LINC00632: variants seen among roughly 807,000 people sequenced by gnomAD.
LINC00632 encodes ALDOA related specific transcript.
At chrX:140,733,761 T>G (rs1931098694) in intron 2 of LINC00632, 1 of 112,630 alleles carries the variant, frequency 8.9e-6, no homozygotes, top group Non-Finnish European at 1.9e-5. Context: ...TCTGAAATTC[T>G]CAGCGGTGAT....
chrX:140,775,641 A>G (rs1931861618), exon 5 of LINC00632, among the ~76,000 whole-genome samples: 1 of 112,072 alleles, frequency 8.9e-6, no homozygotes, highest in African/African-American at 3.3e-5. Flanking sequence ...AAACCTGAAT[A>G]GAGAAAAGAA....
intron 3 of LINC00632, among the ~76,000 whole-genome samples, chrX:140,751,483 T>C (rs988050815): frequency 1.5e-4 from 17 of 111,082 alleles, no homozygotes; most frequent in African/African-American, 4.9e-4. Context: ...GCATATGATA[T>C]AAAATAAGAC....
At chrX:140,746,916 G>A (rs901921422) in intron 3 of LINC00632, among the ~76,000 whole-genome samples, 10 of 111,411 alleles carry the variant, frequency 9.0e-5, no homozygotes, top group African/African-American at 2.6e-4. Flanking sequence ...ACTGCATTTC[G>A]TCACACACAC....
In LINC00632 at chrX:140,751,302, T is replaced by A. The variant is rs534810012; in HGVS notation, n.191+17338T>A. Among the ~76,000 whole-genome samples the A allele has an allele frequency of 1.1e-3, 106 of 99,104 alleles. No homozygotes were observed. In the South Asian group the frequency reaches 0.011, roughly 10 times the overall value. 86.1% of individuals were successfully genotyped at this position (99,104 alleles called of 115,157 possible). A position where few individuals can be genotyped will look rare whatever the true frequency, so the allele number is the denominator to read the frequency against. On this transcript the variant is annotated intron_variant and non_coding_transcript_variant, in intron 3 of 4. Transcript: ENST00000648200. ...GCCAACATCTTTTTTTTTTTTTTTTTAATTATGGCCATTTTTGCACAAGTA... is the reference window on the plus strand; with the variant it reads ...GCCAACATCTTTTTTTTTTTTTTTTAAATTATGGCCATTTTTGCACAAGTA...
Position 140,771,612 on chromosome X carries a change from T to TAC in LINC00632, n.192-434_192-433dup, listed in dbSNP as rs77229499. Among the ~76,000 whole-genome samples the TAC allele has an allele frequency of 2.7e-3, 219 of 79,707 alleles. 1 individual carries two copies. Among genetic ancestry groups the TAC allele is most frequent in the East Asian group, 7.5e-3 (19 of 2,517 alleles). The allele number at this position is 79,707 out of a possible 115,157, so 69.2% of individuals were successfully genotyped here. A position where few individuals can be genotyped will look rare whatever the true frequency, so the allele number is the denominator to read the frequency against. Reference sequence around the variant, plus strand: ...CTTTGCAAGGGCAATTTGGCATATATACACACACACACACACACACACACA... The same window carrying TAC: ...CTTTGCAAGGGCAATTTGGCATATATACACACACACACACACACACACACACA... On this transcript the variant is annotated intron_variant and non_coding_transcript_variant, in intron 3 of 4. Transcript: ENST00000648200.
At chrX:140,769,048 T>G (rs1353563205) in intron 3 of LINC00632, among the ~76,000 whole-genome samples, 1 of 109,796 alleles carries the variant, frequency 9.1e-6, no homozygotes, top group Non-Finnish European at 1.9e-5. Flanking sequence ...CAGGAGCCAA[T>G]AAGTAAACTA....
intron 2 of LINC00632, among the ~76,000 whole-genome samples, chrX:140,720,066 G>A (rs1398307138): frequency 2.0e-5 from 2 of 100,476 alleles, no homozygotes; most frequent in Admixed American, 1.1e-4. Context: ...CAGCCTGGGC[G>A]ACAGAGCAAG....
intron 2 of LINC00632, among the ~76,000 whole-genome samples, chrX:140,728,335 T>C (rs1187267449): frequency 9.0e-6 from 1 of 110,803 alleles, no homozygotes; most frequent in Non-Finnish European, 1.9e-5. Flanking sequence ...AGAGGACACA[T>C]GTACCCTATG....
At chrX:140,724,488 C>G (rs1930873253) in intron 2 of LINC00632, among the ~76,000 whole-genome samples, 2 of 113,844 alleles carry the variant, frequency 1.8e-5, no homozygotes, top group Non-Finnish European at 3.7e-5. Context: ...TACACACACA[C>G]ACATTCCATA....
At chrX:140,725,318 T>C (rs1602736981) in intron 2 of LINC00632, among the ~76,000 whole-genome samples, 3 of 100,715 alleles carry the variant, frequency 3.0e-5, no homozygotes. Flanking sequence ...ACACATTCCA[T>C]ACACACACAC....
At chrX:140,744,589 A>G (rs1602743892) in intron 3 of LINC00632, among the ~76,000 whole-genome samples, 42 of 57,612 alleles carry the variant, frequency 7.3e-4, no homozygotes, top group African/African-American at 1.5e-3. Flanking sequence ...TGGGGGGAGG[A>G]GATGGAGTCT....
At chrX:140,787,370 T>C (rs917658774) in exon 5 of LINC00632, among the ~76,000 whole-genome samples, 1 of 111,689 alleles carries the variant, frequency 9.0e-6, no homozygotes, top group Non-Finnish European at 1.9e-5. Context: ...TGTGCAGCTA[T>C]GTAATAATTT....
chrX:140,770,111 G>A (rs1327388036), intron 3 of LINC00632, among the ~76,000 whole-genome samples: 1 of 111,015 alleles, frequency 9.0e-6, no homozygotes, highest in Non-Finnish European at 1.9e-5. Flanking sequence ...CCTGGAAGAG[G>A]TGGCATCAGA....
chrX:140,741,934 T>C (rs1334615454), intron 3 of LINC00632, among the ~76,000 whole-genome samples: 3 of 112,162 alleles, frequency 2.7e-5, no homozygotes, highest in Admixed American at 1.9e-4. Context: ...ATCTTGGCAA[T>C]GCTTTTTCTC....
intron 2 of LINC00632, among the ~76,000 whole-genome samples, chrX:140,716,816 G>T (rs200687854): frequency 0.026 from 1,850 of 70,730 alleles, 26 homozygotes; most frequent in African/African-American, 0.058. Flanking sequence ...CACACACACA[G>T]ACACACACAC....
At chrX:140,776,383 A>T (rs1484262877) in exon 5 of LINC00632, among the ~76,000 whole-genome samples, 1 of 112,765 alleles carries the variant, frequency 8.9e-6, no homozygotes, top group East Asian at 2.8e-4. Flanking sequence ...TTTCGTGAGT[A>T]GCAGAGCAGA....
intron 3 of LINC00632, among the ~76,000 whole-genome samples, chrX:140,752,920 T>A (rs1485865857): frequency 9.0e-6 from 1 of 111,473 alleles, no homozygotes; most frequent in African/African-American, 3.3e-5. Flanking sequence ...ATAAGCTATC[T>A]ACATCAAATA....
At chrX:140,759,285 TTTCTTTCCTTCCTTCCTTCCTTCCTTCC>T (rs1227066516) in intron 3 of LINC00632, among the ~76,000 whole-genome samples, 24 of 93,950 alleles carry the variant, frequency 2.6e-4, no homozygotes, top group African/African-American at 6.3e-4. Flanking sequence ...CTTTTCTTTC[TTTCTTTCCTTCCTTCCTTCCTTCCTTCC>T]TTCCTTCCTT....
chrX:140,713,641 G>A (rs1252248815), intron 2 of LINC00632: 2 of 342,377 alleles, frequency 5.8e-6, no homozygotes, highest in East Asian at 1.9e-4. Flanking sequence ...TCTTCTCACA[G>A]TACACACACT....
Sources: allele counts gnomAD v4.1 joint callset (sites outside exome capture counted in the v4.1 genomes callset), GRCh38; gene constraint gnomAD v4.1.1; transcripts MANE v1.5; gene names NCBI Gene and HGNC (gene_info 2026-07-23, HGNC 2026-07-21).